Variants in SLC39A11 observed in about 807,000 individuals in gnomAD.
SLC39A11 encodes solute carrier family 39 member 11.
In SLC39A11, 33 loss-of-function variants were observed where a neutral mutation model predicts 36.1. That is an observed-to-expected ratio of 0.91 (90% CI 0.69 to 1.22). The LOEUF is 1.22. Among genes scored for constraint, SLC39A11 ranks in the 50% most tolerant of loss-of-function variants. The pLI is 0.00. For missense variants in SLC39A11, 432 were observed against 430.3 expected (o/e 1.00, Z -0.03); for synonymous variants, 166 against 170.3 (o/e 0.97, Z 0.20).
chr17:72,945,067 G>GGATGGATGGATGGATA (rs2085350547), intron 5 of SLC39A11, among the ~76,000 whole-genome samples: 1 of 151,984 alleles, frequency 6.6e-6, no homozygotes, highest in African/African-American at 2.4e-5. Flanking sequence ...ATGGATGGAT[G>GGATGGATGGATGGATA]GATGGGAGAG....
chr17:72,742,913 G>A (rs891690062), intron 6 of SLC39A11, among the ~76,000 whole-genome samples: 3 of 152,166 alleles, frequency 2.0e-5, no homozygotes, highest in Non-Finnish European at 4.4e-5. Context: ...TAAACCGCAA[G>A]GATATCTGTC....
intron 6 of SLC39A11, among the ~76,000 whole-genome samples, chr17:72,771,072 A>C (rs1384511666): frequency 1.0e-4 from 14 of 138,498 alleles, no homozygotes; most frequent in Non-Finnish European, 2.2e-4. Context: ...TTTTTTTTTT[A>C]TGTGCGTGTT....
At chr17:73,056,951 A>T (rs997234) in intron 3 of SLC39A11, among the ~76,000 whole-genome samples, 37,960 of 152,012 alleles carry the variant, frequency 0.25, 5,248 homozygotes, top group Non-Finnish European at 0.3. Context: ...CCCAAAAAAC[A>T]ATGGGATGCA....
intron 7 of SLC39A11, among the ~76,000 whole-genome samples, chr17:72,677,105 A>C (rs953018255): frequency 6.6e-6 from 1 of 152,200 alleles, no homozygotes; most frequent in Admixed American, 6.5e-5. Context: ...CCACTGCACA[A>C]GCAGCAGCCG....
chr17:73,073,191 A>T (rs551057108), intron 3 of SLC39A11, among the ~76,000 whole-genome samples: 7 of 152,256 alleles, frequency 4.6e-5, no homozygotes, highest in South Asian at 4.1e-4. Flanking sequence ...AAAATAAAAT[A>T]AAATAAAATG....
At chr17:72,952,071 C>G (rs1210228636) in intron 4 of SLC39A11, among the ~76,000 whole-genome samples, 3 of 152,142 alleles carry the variant, frequency 2.0e-5, no homozygotes, top group Non-Finnish European at 2.9e-5. Context: ...GCCTGTACCC[C>G]CCGCTTCCCC....
intron 4 of SLC39A11, among the ~76,000 whole-genome samples, chr17:72,994,302 T>C (rs2089365973): frequency 6.6e-6 from 1 of 152,302 alleles, no homozygotes; most frequent in Admixed American, 6.5e-5. Context: ...CTATATTTAA[T>C]GAAAGAAGCA....
intron 5 of SLC39A11, among the ~76,000 whole-genome samples, chr17:72,852,832 T>C (rs1193310966): frequency 1.3e-5 from 2 of 152,188 alleles, no homozygotes; most frequent in Non-Finnish European, 2.9e-5. Context: ...AAGCAGTCCC[T>C]GAGAGCTGTC....
chr17:73,007,626 G>A (rs1240142388), intron 4 of SLC39A11, among the ~76,000 whole-genome samples: 2 of 152,180 alleles, frequency 1.3e-5, no homozygotes, highest in Non-Finnish European at 2.9e-5. Context: ...AGCTGCAGGA[G>A]CTGGTGGGTG....
chr17:72,959,223 T>G (rs968432362), intron 4 of SLC39A11, among the ~76,000 whole-genome samples: 1 of 150,852 alleles, frequency 6.6e-6, no homozygotes, highest in Non-Finnish European at 1.5e-5. Context: ...ACATGCATGT[T>G]TGTAGCAGCA....
chr17:72,824,627 C>T (rs1347080535), intron 6 of SLC39A11, among the ~76,000 whole-genome samples: 1 of 151,166 alleles, frequency 6.6e-6, no homozygotes, highest in Non-Finnish European at 1.5e-5. Context: ...ATTTTTGTGA[C>T]CAAAATGCTG....
At chr17:73,083,088 C>G (rs1404261221) in intron 3 of SLC39A11, among the ~76,000 whole-genome samples, 1 of 151,740 alleles carries the variant, frequency 6.6e-6, no homozygotes. Context: ...TCCGTGCCAG[C>G]ACCAACATTC....
chr17:72,648,851 G>A lies in SLC39A11; in HGVS notation c.881C>T (p.Ala294Val). 6.2e-7 allele frequency: 1 copy of A among 1,614,166 alleles called. No homozygotes were observed. Among genetic ancestry groups the A allele is most frequent in the Non-Finnish European group, 8.5e-7 (1 of 1,180,030 alleles). The change falls in exon 9 of 10, where the codon GCC becomes GTC. Residue 294 changes from alanine (A) to valine (V), a missense_variant. Ala to Val is a moderately conservative substitution (Grantham distance 64, BLOSUM62 0). Coordinates refer to ENST00000255559, the MANE Select transcript of SLC39A11 (RefSeq NM_139177.4). ...LPYALAFAAGAMVYVVMDDII... is the reference protein window; with the variant it reads ...LPYALAFAAGVMVYVVMDDII... ...GTCGTCCATGACCACGTAGACCATG[G>A]CACCGGCAGCAAAGGCCAGAGCGTA...
chr17:72,880,203 C>T (rs762743758), intron 5 of SLC39A11, among the ~76,000 whole-genome samples: 6 of 152,250 alleles, frequency 3.9e-5, no homozygotes, highest in Non-Finnish European at 7.3e-5. Flanking sequence ...TGTCATCCAT[C>T]ATCCATCACG....
intron 7 of SLC39A11, among the ~76,000 whole-genome samples, chr17:72,707,630 C>A (rs921771981): frequency 2.6e-5 from 4 of 152,206 alleles, no homozygotes; most frequent in African/African-American, 9.6e-5. Context: ...ACATCATCAT[C>A]TCCACATTTA....
chr17:73,076,052 C>G (rs2060309113), intron 3 of SLC39A11, among the ~76,000 whole-genome samples: 1 of 152,028 alleles, frequency 6.6e-6, no homozygotes, highest in Admixed American at 6.6e-5. Context: ...GTATTCTAAT[C>G]ACCTAAAATC....
At chr17:72,685,918 C>T (rs1222694003) in intron 7 of SLC39A11, among the ~76,000 whole-genome samples, 2 of 152,074 alleles carry the variant, frequency 1.3e-5, no homozygotes, top group African/African-American at 4.8e-5. Context: ...CGCCTATAAT[C>T]CCAGCTACTC....
chr17:72,743,356 CAAAGGGA>C, intron 6 of SLC39A11, among the ~76,000 whole-genome samples: 1 of 152,296 alleles, frequency 6.6e-6, no homozygotes, highest in South Asian at 2.1e-4. Context: ...AGGTTTGGAG[CAAAGGGA>C]ATGCATTTTC....
chr17:72,958,394 C>A (rs2086382279), intron 4 of SLC39A11, among the ~76,000 whole-genome samples: 1 of 152,168 alleles, frequency 6.6e-6, no homozygotes. Flanking sequence ...GCAAAAGGAA[C>A]AATCAGCAGA....
Sources: gnomAD v4.1 joint callset for allele counts (sites outside exome capture counted in the v4.1 genomes callset) on GRCh38, gnomAD v4.1.1 for gene constraint, MANE v1.5 for transcripts, NCBI Gene and HGNC (gene_info 2026-07-23, HGNC 2026-07-21) for gene names.